The following GRIP1 variants were observed in gnomAD, a reference collection of about 807,000 sequenced individuals.
The protein encoded by GRIP1 is glutamate receptor interacting protein 1, also known as glutamate receptor-interacting protein 1.
GRIP1 carries 45 observed loss-of-function variants against 129.9 expected under a neutral mutation model. The ratio of observed to expected loss-of-function variants is 0.35; its 90% CI spans 0.27 to 0.44. GRIP1 has a LOEUF of 0.44. Among genes scored for constraint, GRIP1 ranks in the 20% least tolerant of loss-of-function variants. The pLI is 1.00. For synonymous variants in GRIP1, 530 were observed against 520.8 expected (o/e 1.02, Z -0.24); for missense variants, 1,196 against 1,396.8 (o/e 0.86, Z 2.29).
At chr12:66,773,306 G>C (rs771400403) in intron 1 of GRIP1, among the ~76,000 whole-genome samples, 2 of 152,202 alleles carry the variant, frequency 1.3e-5, no homozygotes, top group Non-Finnish European at 2.9e-5. Context: ...ACCTGTGCAT[G>C]TGTCTTTATA....
At chr12:67,026,616 T>A (rs555517413) in intron 1 of GRIP1, among the ~76,000 whole-genome samples, 6 of 152,216 alleles carry the variant, frequency 3.9e-5, no homozygotes, top group African/African-American at 1.4e-4. Context: ...ATCCTTCCTC[T>A]TCTTCATTAT....
chr12:66,687,959 T>C lies in GRIP1; in HGVS notation c.-419-57623A>G, dbSNP rs115634744. ...GCAAAGAAGATAGTCTGCATTCCAC[T>C]GGGAATGGCAGGCTATGTACTTGGA... is the stretch of plus-strand genomic sequence containing the variant. On this transcript the variant is annotated intron_variant, in intron 1 of 4. Coordinates refer to the GRIP1 transcript ENST00000538373. Among the ~76,000 whole-genome samples, 695 of 152,316 alleles carry C rather than the reference T, an allele frequency of 4.6e-3. 7 individuals carry two copies. Among genetic ancestry groups the C allele is most frequent in the African/African-American group, 0.016 (665 of 41,562 alleles).
At chr12:66,700,335 G>A (rs529473408) in intron 1 of GRIP1, among the ~76,000 whole-genome samples, 3 of 152,250 alleles carry the variant, frequency 2.0e-5, no homozygotes, top group East Asian at 3.9e-4. Flanking sequence ...TGAGGCTGGG[G>A]AGGTAGGCAG....
At chr12:66,776,805 T>C (rs772752809) in intron 1 of GRIP1, among the ~76,000 whole-genome samples, 7 of 152,172 alleles carry the variant, frequency 4.6e-5, no homozygotes, top group Non-Finnish European at 7.4e-5. Flanking sequence ...TGAAATGCCA[T>C]AGTGATAACA....
chr12:66,552,568 T>C (rs2062177198), intron 2 of GRIP1, among the ~76,000 whole-genome samples: 1 of 152,170 alleles, frequency 6.6e-6, no homozygotes, highest in African/African-American at 2.4e-5. Context: ...TTTACGTACA[T>C]GAAATTTCCG....
intron 1 of GRIP1, among the ~76,000 whole-genome samples, chr12:66,979,252 A>AAAAAAAACAAC (rs772753895): frequency 1.8e-4 from 20 of 110,152 alleles, no homozygotes; most frequent in Non-Finnish European, 2.7e-4. Flanking sequence ...AAAAAAAAAA[A>AAAAAAAACAAC]AACAAGCCCG....
rs574923436 is a variant in GRIP1, at chr12:66,839,902, T to C, written c.58+229148A>G. ...TCTGTACCAATCTCTCTTATCTCCG[T>C]ATTGTCACCATTTATATTTGATAAG... is the stretch of plus-strand genomic sequence containing the variant. On this transcript the variant is annotated intron_variant, in intron 1 of 1. Coordinates refer to the GRIP1 transcript ENST00000643019. Among the ~76,000 whole-genome samples, 3 of 152,360 alleles carry C rather than the reference T, an allele frequency of 2.0e-5. No individual in the cohort carries two copies. The East Asian group carries it at 5.8e-4, about 29-fold the overall frequency.
rs201326658 is a variant in GRIP1, at chr12:66,723,242, T to C, written c.-420+80811A>G. Among the ~76,000 whole-genome samples the C allele has an allele frequency of 1.0e-3, 59 of 57,312 alleles. No homozygotes were observed. In the East Asian group the frequency reaches 0.012, roughly 11 times the overall value. The allele number at this position is 57,312 out of a possible 152,430, so 37.6% of individuals were successfully genotyped here. On this transcript the variant is annotated intron_variant, in intron 1 of 4. Transcript: ENST00000538373. ...TCTTTCTTTCTCTCTCTCTCTCTCT[T>C]CCTTCCTTCCTTCCTTCCTTCCTTC...
intron 1 of GRIP1, among the ~76,000 whole-genome samples, chr12:66,767,829 A>G (rs573096231): frequency 2.6e-5 from 4 of 152,320 alleles, no homozygotes; most frequent in Non-Finnish European, 2.9e-5. Context: ...TAGTAAGGCG[A>G]TATCTTATAA....
chr12:66,865,578 T>C (rs189926239), intron 1 of GRIP1, among the ~76,000 whole-genome samples: 175 of 151,914 alleles, frequency 1.2e-3, no homozygotes, highest in African/African-American at 4.1e-3. Flanking sequence ...ATTCTGTTCA[T>C]TACTCCATCC....
In GRIP1 at chr12:66,644,348, T is replaced by C. The variant is rs2032185039; in HGVS notation, c.55+34502A>G. 2.0e-5 allele frequency among the ~76,000 whole-genome samples: 3 copies of C among 152,288 alleles called. No individual in the cohort carries two copies. The South Asian group carries it at 6.2e-4, about 32-fold the overall frequency. The stretch of plus-strand genomic sequence containing the variant: ...TTGTGAAGAACTGCCAAGAATAACA[T>C]TGATGGTGGAGTTAATAACTTGAGA... On this transcript the variant is annotated intron_variant, in intron 1 of 24. Transcript: ENST00000359742.
chr12:66,477,687 G>A (rs932640257), intron 7 of GRIP1, among the ~76,000 whole-genome samples: 3 of 152,154 alleles, frequency 2.0e-5, no homozygotes, highest in East Asian at 1.9e-4. Context: ...AGAGATATAG[G>A]CTAATGGAAC....
Position 66,347,745 on chromosome 12 carries a change from A to AAAAG in GRIP1, c.*1270_*1273dup, listed in dbSNP as rs931600566. ...ATTGAAATAATATTTTTTTTGCACA[A>AAAAG]AAAGAAAGGTGATTTTTTTTTTATA... On this transcript the variant is annotated 3_prime_UTR_variant, in exon 25 of 25. Transcript: ENST00000359742. 5 of 129,800 alleles carry AAAAG rather than the reference A, an allele frequency of 3.9e-5. No individual in the cohort carries two copies. Among genetic ancestry groups the AAAAG allele is most frequent in the Non-Finnish European group, 6.5e-5 (4 of 61,254 alleles). The allele number at this position is 129,800 out of a possible 1,614,324, so 8.0% of individuals were successfully genotyped here.
intron 1 of GRIP1, among the ~76,000 whole-genome samples, chr12:66,620,666 CTTTTTCTTT>C (rs1470870497): frequency 2.6e-5 from 4 of 151,852 alleles, no homozygotes; most frequent in Non-Finnish European, 5.9e-5. Context: ...CTTTCTCTTT[CTTTTTCTTT>C]TTTTTCTTTT....
At position 66,673,036 on chromosome 12, in the gene GRIP1, G is replaced by A. The variant is rs1311953801; in HGVS notation, c.55+5814C>T. 2.0e-5 allele frequency among the ~76,000 whole-genome samples: 3 copies of A among 152,040 alleles called. No individual in the cohort carries two copies. In the East Asian group the frequency reaches 5.8e-4, roughly 29 times the overall value. On this transcript the variant is annotated intron_variant, in intron 1 of 24. Transcript: ENST00000359742. The stretch of plus-strand genomic sequence containing the variant: ...ATAAGGAATGCTGAGAGATTAGTGT[G>A]GTGTTGTCTTGATTAATTTCTCTTT...
Position 66,608,971 on chromosome 12 carries a change from A to T in GRIP1, c.56-12044T>A, listed in dbSNP as rs187546076. On this transcript the variant is annotated intron_variant, in intron 1 of 24. Coordinates refer to ENST00000359742, the MANE Select transcript of GRIP1 (RefSeq NM_001366722.1). ...ATTATTATTATTATATTATATATAT[A>T]TTTTTTTACAGCACTTATAATCCTA... 2.7e-3 allele frequency among the ~76,000 whole-genome samples: 371 copies of T among 139,412 alleles called. 1 individual carries two copies. Among genetic ancestry groups the T allele is most frequent in the African/African-American group, 8.9e-3 (323 of 36,206 alleles). The allele number at this position is 139,412 out of a possible 152,430, so 91.5% of individuals were successfully genotyped here.
chr12:66,408,425 G>T (rs1244293886), intron 15 of GRIP1, among the ~76,000 whole-genome samples: 2 of 152,122 alleles, frequency 1.3e-5, no homozygotes, highest in Non-Finnish European at 2.9e-5. Context: ...GTTGCAGTGA[G>T]CCGATTGCAC....
At chr12:66,798,036 T>C (rs1056493809) in intron 1 of GRIP1, among the ~76,000 whole-genome samples, 1 of 152,188 alleles carries the variant, frequency 6.6e-6, no homozygotes, top group Non-Finnish European at 1.5e-5. Context: ...ATTTTAAATA[T>C]GAACATTGCT....
At chr12:66,514,113 TTA>T (rs2060778023) in intron 7 of GRIP1, among the ~76,000 whole-genome samples, 1 of 152,166 alleles carries the variant, frequency 6.6e-6, no homozygotes, top group African/African-American at 2.4e-5. Flanking sequence ...CGATCACACT[TTA>T]TGAGTTTATT....
Sources: gnomAD v4.1 joint callset for allele counts (sites outside exome capture counted in the v4.1 genomes callset) on GRCh38, gnomAD v4.1.1 for gene constraint, MANE v1.5 for transcripts, NCBI Gene and HGNC (gene_info 2026-07-23, HGNC 2026-07-21) for gene names.